Variants in TMEM181 observed in about 807,000 individuals in gnomAD.
TMEM181 encodes transmembrane protein 181.
TMEM181 carries 39 observed loss-of-function variants against 71.9 expected under a neutral mutation model. That is an observed-to-expected ratio of 0.54 (90% CI 0.42 to 0.71). TMEM181 has a LOEUF of 0.71. Among genes scored for constraint, TMEM181 ranks in the 30% least tolerant of loss-of-function variants. TMEM181 has a pLI of 0.00. For missense variants in TMEM181, 595 were observed against 583.0 expected, an observed-to-expected ratio of 1.02 and a Z score of -0.21; for synonymous variants, 245 against 228.8, an observed-to-expected ratio of 1.07 and a Z score of -0.64.
At chr6:158,563,075 G>A (rs147901911) in intron 1 of TMEM181, among the ~76,000 whole-genome samples, 2 of 152,312 alleles carry the variant, frequency 1.3e-5, no homozygotes, top group African/African-American at 2.4e-5. Context: ...ACGTCACAAC[G>A]GATTTAATTG....
intron 6 of TMEM181, among the ~76,000 whole-genome samples, chr6:158,597,588 C>A (rs180954386): frequency 6.6e-6 from 1 of 152,082 alleles, no homozygotes; most frequent in Non-Finnish European, 1.5e-5. Context: ...GCAGTATCAA[C>A]CTCCCAGCCT....
chr6:158,619,213 A>C (rs891274617), intron 10 of TMEM181, among the ~76,000 whole-genome samples: 3 of 152,054 alleles, frequency 2.0e-5, no homozygotes, highest in Non-Finnish European at 2.9e-5. Context: ...TTTTTCTCTG[A>C]ACTTCTCTTC....
At chr6:158,541,730 G>T (rs77571486) in intron 1 of TMEM181, among the ~76,000 whole-genome samples, 1 of 152,078 alleles carries the variant, frequency 6.6e-6, no homozygotes, top group Admixed American at 6.6e-5. Flanking sequence ...ATTTCCTGAC[G>T]CATCTGTACT....
In TMEM181 at chr6:158,583,997, A is replaced by G; in HGVS notation, c.212A>G (p.Asn71Ser). The G allele has an allele frequency of 3.7e-6, 6 of 1,612,134 alleles. No individual in the cohort carries two copies. Among genetic ancestry groups the G allele is most frequent in the Non-Finnish European group, 4.2e-6 (5 of 1,178,976 alleles). ...QILSNPLSTY[N>S]QQLWLTCVVE... ...CTTTCAAATCCACTGTCTACATACA[A>G]TCAGCAACTATGGCTGACATGTGTT... Residue 71 changes from asparagine to serine, a missense_variant, in exon 4 of 17, where the codon AAT becomes AGT. Coordinates refer to ENST00000684151, the MANE Select transcript of TMEM181 (RefSeq NM_001376852.1).
chr6:158,594,692 G>T (rs1583003149), intron 6 of TMEM181, among the ~76,000 whole-genome samples: 1 of 151,486 alleles, frequency 6.6e-6, no homozygotes, highest in East Asian at 1.9e-4. Flanking sequence ...CTTCTTTTTT[G>T]TTGTTGTTCT....
chr6:158,566,958 T>TG (rs560127316), intron 1 of TMEM181, among the ~76,000 whole-genome samples: 277 of 152,232 alleles, frequency 1.8e-3, no homozygotes, highest in Non-Finnish European at 3.1e-3. Context: ...AGTAAAGGTG[T>TG]GTTTAGTTTT....
At chr6:158,571,209 G>C (rs536158141) in intron 1 of TMEM181, among the ~76,000 whole-genome samples, 20 of 152,098 alleles carry the variant, frequency 1.3e-4, no homozygotes, top group African/African-American at 3.4e-4. Flanking sequence ...CCATTCTCCC[G>C]CCTCAGCCTC....
intron 6 of TMEM181, among the ~76,000 whole-genome samples, chr6:158,602,933 C>G (rs368811126): frequency 8.5e-5 from 13 of 152,226 alleles, no homozygotes; most frequent in African/African-American, 2.6e-4. Context: ...TTGCATTTTT[C>G]TGACAAGAAA....
intron 1 of TMEM181, among the ~76,000 whole-genome samples, chr6:158,564,675 G>A (rs1291796712): frequency 6.6e-6 from 1 of 152,230 alleles, no homozygotes; most frequent in Non-Finnish European, 1.5e-5. Context: ...AACTCTGTGA[G>A]ATGAATCTTC....
chr6:158,538,053 A>G (rs1283155495), intron 1 of TMEM181, among the ~76,000 whole-genome samples: 2 of 152,080 alleles, frequency 1.3e-5, no homozygotes, highest in Non-Finnish European at 2.9e-5. Flanking sequence ...GGGTATGGGA[A>G]AAGAATCCAC....
intron 6 of TMEM181, among the ~76,000 whole-genome samples, chr6:158,601,086 G>T (rs1354225497): frequency 6.6e-6 from 1 of 151,996 alleles, no homozygotes; most frequent in Admixed American, 6.5e-5. Flanking sequence ...TGCTCAAGTC[G>T]TTACTTTGAT....
rs1164426571 is a variant in TMEM181, at chr6:158,631,295, A to G, written c.1283-28A>G. On this transcript the variant is annotated intron_variant, in intron 15 of 16. Coordinates refer to ENST00000684151, the MANE Select transcript of TMEM181 (RefSeq NM_001376852.1). ...CCAGGCTCATCACGTCAATTGCTTG[A>G]GATGCAAATGCTCTTGTTGGTTTTC... The G allele has an allele frequency of 4.3e-6, 7 of 1,613,136 alleles. No individual in the cohort carries two copies. The Admixed American group carries it at 1.0e-4, about 23-fold the overall frequency.
At chr6:158,616,133 ATTTG>A (rs1785598922) in intron 10 of TMEM181, among the ~76,000 whole-genome samples, 1 of 152,156 alleles carries the variant, frequency 6.6e-6, no homozygotes, top group Non-Finnish European at 1.5e-5. Flanking sequence ...ATGTTCTTCC[ATTTG>A]TTTGTGTCCT....
rs557658864 is a variant in TMEM181 at position 158,620,933 on chromosome 6, A to G, written c.897-2617A>G. Among the ~76,000 whole-genome samples, 20 of 152,374 alleles carry G rather than the reference A, an allele frequency of 1.3e-4. No individual in the cohort carries two copies. In the South Asian group the frequency reaches 4.1e-3, roughly 32 times the overall value. ...GAGGGCCTTCTGGCCAAGTTAGGTC[A>G]GAGGCACTCTCTTACGGGCTAAGAG... On this transcript the variant is annotated intron_variant, in intron 10 of 16. Transcript: ENST00000684151. The surrounding 1 kb of genome is among the most constrained non-coding windows in gnomAD (Gnocchi z 4.5).
rs1307751173 is a variant in TMEM181, at chr6:158,620,298, A to T, written c.897-3252A>T. On this transcript the variant is annotated intron_variant, in intron 10 of 16. Transcript: ENST00000684151. The surrounding 1 kb of genome is among the most constrained non-coding windows in gnomAD (Gnocchi z 4.5). The stretch of plus-strand genomic sequence containing the variant: ...AAAGAGGACAGTTAAGCTGAGAAGA[A>T]ACTGGGCGCCCCCAAGATGTCCTCT... Among the ~76,000 whole-genome samples, 11 of 152,174 alleles carry T rather than the reference A, an allele frequency of 7.2e-5. No individual in the cohort carries two copies. Among genetic ancestry groups the T allele is most frequent in the Admixed American group, 4.6e-4 (7 of 15,272 alleles).
At chr6:158,591,499 C>A (rs371211806) in intron 6 of TMEM181, among the ~76,000 whole-genome samples, 18 of 152,122 alleles carry the variant, frequency 1.2e-4, no homozygotes, top group African/African-American at 4.1e-4. Context: ...TGAATGATCT[C>A]CTGGATCTTA....
chr6:158,572,663 C>T lies in TMEM181; in HGVS notation c.9-757C>T, dbSNP rs532875204. On this transcript the variant is annotated intron_variant, in intron 1 of 16. Coordinates refer to ENST00000684151, the MANE Select transcript of TMEM181 (RefSeq NM_001376852.1). The stretch of plus-strand genomic sequence containing the variant: ...CCTTTACAGAGTTTTCTTTTGTTTG[C>T]TGGCCCTTGATACAGGATGTTCTAA... Among the ~76,000 whole-genome samples, 6 of 152,208 alleles carry T rather than the reference C, an allele frequency of 3.9e-5. No homozygotes were observed. The South Asian group carries it at 1.2e-3, about 31-fold the overall frequency.
chr6:158,569,524 C>T (rs548315166), intron 1 of TMEM181, among the ~76,000 whole-genome samples: 1 of 151,988 alleles, frequency 6.6e-6, no homozygotes, highest in East Asian at 1.9e-4. Context: ...GAAGGGGAGA[C>T]AATGGATTTT....
rs564344108 is a variant in TMEM181, at chr6:158,614,489, A to ATT, written c.896+5747_896+5748dup. ...TTATAGACAATCCTATTTAAAAAAA[A>ATT]TTTTTTTTTAATTACACTTTAAGTT... On this transcript the variant is annotated intron_variant, in intron 10 of 16. Transcript: ENST00000684151. Among the ~76,000 whole-genome samples the ATT allele has an allele frequency of 1.0e-3, 155 of 151,980 alleles. 2 individuals carry two copies. Among genetic ancestry groups the ATT allele is most frequent in the South Asian group, 1.9e-3 (9 of 4,812 alleles).
Sources: allele counts gnomAD v4.1 joint callset (sites outside exome capture counted in the v4.1 genomes callset), GRCh38; gene constraint gnomAD v4.1.1; non-coding constraint Gnocchi (gnomAD v3.1); transcripts MANE v1.5; gene names NCBI Gene and HGNC (gene_info 2026-07-23, HGNC 2026-07-21).